ARHGAP15: variants seen among roughly 807,000 people sequenced by gnomAD.
ARHGAP15 encodes rho GTPase-activating protein 15.
In ARHGAP15, 51 loss-of-function variants were observed where a neutral mutation model predicts 63.7. That is an observed-to-expected ratio of 0.80 (90% CI 0.64 to 1.01). The LOEUF is 1.01. ARHGAP15 is among the 50% of genes least tolerant of loss of function. ARHGAP15 has a pLI of 0.00. For synonymous variants in ARHGAP15, 191 were observed against 193.8 expected (o/e 0.99, Z 0.12); for missense variants, 560 against 564.6 (o/e 0.99, Z 0.08).
At chr2:143,383,914 A>C (rs1687162404) in intron 6 of ARHGAP15, among the ~76,000 whole-genome samples, 1 of 152,180 alleles carries the variant, frequency 6.6e-6, no homozygotes, top group Non-Finnish European at 1.5e-5. Context: ...GTCTATGATG[A>C]AATATTTACA....
chr2:143,442,805 G>T (rs186938237), intron 8 of ARHGAP15, among the ~76,000 whole-genome samples: 53 of 151,830 alleles, frequency 3.5e-4, no homozygotes, highest in Admixed American at 2.9e-3. Flanking sequence ...TGAAGTAAAC[G>T]CACATACCCA....
intron 9 of ARHGAP15, among the ~76,000 whole-genome samples, chr2:143,492,047 A>G (rs938371009): frequency 6.6e-6 from 1 of 152,048 alleles, no homozygotes. Context: ...ACATCCGGCT[A>G]ATTTTTTGTA....
chr2:143,683,194 A>C (rs553066673), intron 12 of ARHGAP15, among the ~76,000 whole-genome samples: 1 of 152,284 alleles, frequency 6.6e-6, no homozygotes, highest in East Asian at 1.9e-4. Context: ...GCAACCTTAA[A>C]CTGATTTTAA....
At chr2:143,374,170 A>C (rs2104923031) in intron 6 of ARHGAP15, among the ~76,000 whole-genome samples, 1 of 152,296 alleles carries the variant, frequency 6.6e-6, no homozygotes, top group East Asian at 1.9e-4. Flanking sequence ...GGTGAAATAA[A>C]ATCCGGTGGC....
At chr2:143,698,332 G>C (rs1288651306) in intron 12 of ARHGAP15, among the ~76,000 whole-genome samples, 1 of 152,096 alleles carries the variant, frequency 6.6e-6, no homozygotes, top group Non-Finnish European at 1.5e-5. Context: ...AAAGGCATTG[G>C]GTTGTAAACG....
intron 13 of ARHGAP15, among the ~76,000 whole-genome samples, chr2:143,717,824 G>A (rs762695929): frequency 7.3e-5 from 11 of 150,842 alleles, no homozygotes; most frequent in Non-Finnish European, 1.5e-4. Flanking sequence ...CATAGCACCC[G>A]CTCCAGGAAA....
chr2:143,596,731 A>T (rs1274381545), intron 11 of ARHGAP15, among the ~76,000 whole-genome samples: 1 of 152,134 alleles, frequency 6.6e-6, no homozygotes, highest in Non-Finnish European at 1.5e-5. Context: ...GTCTATGTTA[A>T]TCTTTACAAA....
chr2:143,145,011 T>G (rs1689521670), intron 1 of ARHGAP15, among the ~76,000 whole-genome samples: 1 of 152,072 alleles, frequency 6.6e-6, no homozygotes, highest in Non-Finnish European at 1.5e-5. Flanking sequence ...TCCCTCATTC[T>G]CCTTAAATGG....
chr2:143,693,497 T>C (rs1043332072), intron 12 of ARHGAP15, among the ~76,000 whole-genome samples: 5 of 152,172 alleles, frequency 3.3e-5, no homozygotes, highest in Non-Finnish European at 5.9e-5. Flanking sequence ...AAGAAGAAAA[T>C]ATATAAATAT....
intron 10 of ARHGAP15, among the ~76,000 whole-genome samples, chr2:143,539,012 G>A (rs1262082140): frequency 2.0e-5 from 3 of 152,048 alleles, no homozygotes; most frequent in Non-Finnish European, 2.9e-5. Flanking sequence ...TCTGGTCCTG[G>A]ATTTTTTTGG....
intron 8 of ARHGAP15, among the ~76,000 whole-genome samples, chr2:143,471,011 GAAGAT>G (rs1691521836): frequency 1.6e-4 from 6 of 37,606 alleles, no homozygotes; most frequent in Non-Finnish European, 5.8e-4. Context: ...TATAGATAAA[GAAGAT>G]ATGAATATGT....
intron 3 of ARHGAP15, among the ~76,000 whole-genome samples, chr2:143,211,585 GT>G (rs1692565434): frequency 6.6e-6 from 1 of 152,124 alleles, no homozygotes. Flanking sequence ...GCCCAGGGTT[GT>G]AGTTATAGAG....
Position 143,435,768 on chromosome 2 carries a change from A to G in ARHGAP15, c.573+69A>G, listed in dbSNP as rs573022903. 172 of 1,435,950 alleles carry G rather than the reference A, an allele frequency of 1.2e-4. No individual in the cohort carries two copies. In the East Asian group the frequency reaches 3.1e-3, roughly 26 times the overall value. The allele number at this position is 1,435,950 out of a possible 1,614,324, so 89.0% of individuals were successfully genotyped here. A position where few individuals can be genotyped will look rare whatever the true frequency, so the allele number is the denominator to read the frequency against. On this transcript the variant is annotated intron_variant, in intron 7 of 13. Transcript: ENST00000295095. ...GTCATTTAAATCTTATTGCTCAGGC[A>G]TATAACACACACACTCATTTAAATA...
At chr2:143,589,610 A>T (rs1697246482) in intron 11 of ARHGAP15, among the ~76,000 whole-genome samples, 1 of 152,140 alleles carries the variant, frequency 6.6e-6, no homozygotes, top group African/African-American at 2.4e-5. Context: ...CACTTTGCAT[A>T]TCATTGCCTT....
intron 6 of ARHGAP15, among the ~76,000 whole-genome samples, chr2:143,261,499 C>A (rs375301112): frequency 7.0e-6 from 1 of 143,194 alleles, no homozygotes; most frequent in Non-Finnish European, 1.5e-5. Context: ...CCACCACACC[C>A]GGCTAATTTT....
At chr2:143,629,201 C>T (rs1385211840) in intron 12 of ARHGAP15, among the ~76,000 whole-genome samples, 1 of 150,946 alleles carries the variant, frequency 6.6e-6, no homozygotes, top group African/African-American at 2.4e-5. Context: ...AAAAAAAAAC[C>T]CCATTAATAT....
At chr2:143,649,798 G>A (rs1197305616) in intron 12 of ARHGAP15, among the ~76,000 whole-genome samples, 6 of 150,544 alleles carry the variant, frequency 4.0e-5, no homozygotes, top group Non-Finnish European at 8.9e-5. Context: ...TAATTGGACA[G>A]TCTATGAATT....
chr2:143,505,474 A>G (rs2104944244), intron 9 of ARHGAP15, among the ~76,000 whole-genome samples: 1 of 152,344 alleles, frequency 6.6e-6, no homozygotes, highest in African/African-American at 2.4e-5. Flanking sequence ...TGAGAAACAC[A>G]CTGTGTTTGA....
intron 6 of ARHGAP15, among the ~76,000 whole-genome samples, chr2:143,296,941 G>A (rs911852427): frequency 6.6e-6 from 1 of 151,814 alleles, no homozygotes; most frequent in Admixed American, 6.6e-5. Flanking sequence ...GAGTTAGTTT[G>A]CTAAGGATAA....
Sources: gnomAD v4.1 joint callset for allele counts (sites outside exome capture counted in the v4.1 genomes callset) on GRCh38, gnomAD v4.1.1 for gene constraint, MANE v1.5 for transcripts, NCBI Gene and HGNC (gene_info 2026-07-23, HGNC 2026-07-21) for gene names.